The following UGGT2 variants were observed in gnomAD, a reference collection of about 807,000 sequenced individuals.
The protein encoded by UGGT2 is UDP-glucose glycoprotein glucosyltransferase 2, also known as UDP-glucose:glycoprotein glucosyltransferase 2.
Under a neutral mutation model 192.1 loss-of-function variants are expected in UGGT2, and 180 were observed. The ratio of observed to expected loss-of-function variants is 0.94; its 90% CI spans 0.83 to 1.06. The LOEUF is 1.06. UGGT2 is among the 50% of genes least tolerant of loss of function. UGGT2 has a pLI of 0.00. For missense variants in UGGT2, 1,849 were observed against 1,795.7 expected, an observed-to-expected ratio of 1.03 and a Z score of -0.54; for synonymous variants, 580 against 591.0, an observed-to-expected ratio of 0.98 and a Z score of 0.27.
At position 95,856,350 on chromosome 13, in the gene UGGT2, C is replaced by T; in HGVS notation, c.3826-10G>A. On this transcript the variant is annotated splice_polypyrimidine_tract_variant and intron_variant, in intron 33 of 38. Coordinates refer to ENST00000376747, the MANE Select transcript of UGGT2 (RefSeq NM_020121.4). The stretch of plus-strand genomic sequence containing the variant: ...TGTGAGGAATTACTTCCTAAAAACA[C>T]ACACACAAAATCAAACAATATGTTC... The T allele has an allele frequency of 6.3e-7, 1 of 1,595,994 alleles. No homozygotes were observed. Among genetic ancestry groups the T allele is most frequent in the Non-Finnish European group, 8.5e-7 (1 of 1,176,030 alleles).
At chr13:95,892,789 C>A (rs2047838238) in intron 24 of UGGT2, among the ~76,000 whole-genome samples, 1 of 152,080 alleles carries the variant, frequency 6.6e-6, no homozygotes, top group Non-Finnish European at 1.5e-5. Context: ...GTTTGTTTTC[C>A]TCTCATGAAC....
In UGGT2 at chr13:95,843,853, A is replaced by G. The variant is rs547299896; in HGVS notation, c.4285-6651T>C. On this transcript the variant is annotated intron_variant, in intron 36 of 38. Transcript: ENST00000376747. ...TCTATCTTTACACCAACACCAAACT[A>G]TTTTGACTACAGTAGCTATATATTA... Among the ~76,000 whole-genome samples the G allele has an allele frequency of 3.1e-3, 477 of 152,260 alleles. 3 individuals are homozygous for G. The highest frequency in any genetic ancestry group is 0.011 in the African/African-American group (455 of 41,554).
At chr13:95,868,202 C>T (rs905420776) in intron 29 of UGGT2, among the ~76,000 whole-genome samples, 19 of 152,164 alleles carry the variant, frequency 1.2e-4, no homozygotes, top group Admixed American at 3.9e-4. Flanking sequence ...CTAGCACTAT[C>T]ATGACTGACA....
chr13:96,005,528 G>A (rs990761571), intron 5 of UGGT2, among the ~76,000 whole-genome samples: 7 of 152,162 alleles, frequency 4.6e-5, no homozygotes, highest in Non-Finnish European at 8.8e-5. Flanking sequence ...TTAATCTTCA[G>A]AGGCAAGGGC....
intron 37 of UGGT2, among the ~76,000 whole-genome samples, chr13:95,836,634 C>T (rs1264037383): frequency 6.6e-6 from 1 of 152,108 alleles, no homozygotes; most frequent in Non-Finnish European, 1.5e-5. Flanking sequence ...CCAGTAAAAC[C>T]CCTGGACACT....
chr13:96,003,038 G>A (rs373793917), intron 5 of UGGT2, among the ~76,000 whole-genome samples: 5 of 152,252 alleles, frequency 3.3e-5, no homozygotes, highest in African/African-American at 1.2e-4. Flanking sequence ...CATGAATGAC[G>A]TGCACGTGAG....
chr13:95,889,285 A>G (rs1447750495), intron 25 of UGGT2, among the ~76,000 whole-genome samples: 2 of 152,172 alleles, frequency 1.3e-5, no homozygotes, highest in African/African-American at 4.8e-5. Flanking sequence ...AACCAATGCT[A>G]AAAGAACAAG....
chr13:95,870,856 AC>A (rs1394065032), intron 29 of UGGT2, among the ~76,000 whole-genome samples: 1 of 152,192 alleles, frequency 6.6e-6, no homozygotes, highest in Non-Finnish European at 1.5e-5. Flanking sequence ...ATGAGGCTCC[AC>A]CCTCATTGAG....
rs1244608216 is a variant in UGGT2, at chr13:95,900,899, C to T, written c.2542G>A (p.Val848Ile). 1.9e-6 allele frequency: 3 copies of T among 1,608,302 alleles called. No homozygotes were observed. In the Admixed American group the frequency reaches 5.1e-5, roughly 27 times the overall value. The change falls in exon 22 of 39, where the codon GTT (valine) becomes ATT (isoleucine). Residue 848 changes from valine (V) to isoleucine (I), a missense_variant. Transcript: ENST00000376747. ...KNAFEKKYNT[V>I]GVNIFRTHQL... ...TGAGTTCGAAAAATATTCACTCCAACAGTATTATATTTTTTCTCAAAAGCA... is the reference window on the plus strand; with the variant it reads ...TGAGTTCGAAAAATATTCACTCCAATAGTATTATATTTTTTCTCAAAAGCA...
At chr13:95,903,618 A>C (rs1336305147) in intron 20 of UGGT2, among the ~76,000 whole-genome samples, 1 of 147,550 alleles carries the variant, frequency 6.8e-6, no homozygotes, top group Non-Finnish European at 1.5e-5. Flanking sequence ...CCACTCAATA[A>C]TGTGAGATTT....
chr13:95,966,150 C>CT (rs1213129219), intron 12 of UGGT2, among the ~76,000 whole-genome samples: 1 of 152,166 alleles, frequency 6.6e-6, no homozygotes. Context: ...CGTTAAGTGT[C>CT]TATCAACAGA....
intron 10 of UGGT2, among the ~76,000 whole-genome samples, chr13:95,973,934 A>G (rs2140806097): frequency 6.6e-6 from 1 of 152,342 alleles, no homozygotes; most frequent in Non-Finnish European, 1.5e-5. Flanking sequence ...AGCTGTTATT[A>G]TCAGGGTAGG....
intron 36 of UGGT2, among the ~76,000 whole-genome samples, chr13:95,845,155 T>C (rs1352303228): frequency 6.7e-6 from 1 of 149,152 alleles, no homozygotes; most frequent in Admixed American, 6.7e-5. Flanking sequence ...GTGGTCACGA[T>C]TCATGATATA....
intron 38 of UGGT2, among the ~76,000 whole-genome samples, chr13:95,824,699 A>T (rs113284426): frequency 0.022 from 3,300 of 152,100 alleles, 119 homozygotes; most frequent in African/African-American, 0.076. Flanking sequence ...TTTTAAAAAA[A>T]TTATGTTGGT....
intron 6 of UGGT2, among the ~76,000 whole-genome samples, chr13:95,998,690 T>C (rs1328226629): frequency 6.6e-6 from 1 of 152,092 alleles, no homozygotes; most frequent in Non-Finnish European, 1.5e-5. Context: ...ATTTAGTTCA[T>C]AAAATACAGA....
chr13:95,877,929 G>C (rs2047388140), intron 27 of UGGT2, 73 bp from the exon 28 acceptor site: 1 of 1,426,094 alleles, frequency 7.0e-7, no homozygotes, highest in Middle Eastern at 1.9e-4. Context: ...ATAAATAAAT[G>C]TGATTATTTT....
Position 95,867,411 on chromosome 13 carries a change from A to C in UGGT2, c.3486T>G (p.Thr1162=), listed in dbSNP as rs766432687. Residue 1162 remains threonine, a synonymous_variant, in exon 30 of 39, where the codon ACT becomes ACG. Coordinates refer to ENST00000376747, the MANE Select transcript of UGGT2 (RefSeq NM_020121.4). ...DIYQIVGHEG[T]DSQADLEDII... is the part of the protein sequence containing the mutation. Reference sequence around the variant, plus strand: ...TATCTTCTAGGTCTGCTTGAGAGTCAGTTCCTTCATGCCTAAAAGTAGAAA... The same window carrying C: ...TATCTTCTAGGTCTGCTTGAGAGTCCGTTCCTTCATGCCTAAAAGTAGAAA... 1 of 1,605,500 alleles carries C rather than the reference A, an allele frequency of 6.2e-7. No individual in the cohort carries two copies. Among genetic ancestry groups the C allele is most frequent in the East Asian group, 2.2e-5 (1 of 44,490 alleles).
chr13:95,989,896 T>G, intron 8 of UGGT2, 77 bp downstream of exon 8: 1 of 870,028 alleles, frequency 1.1e-6, no homozygotes, highest in South Asian at 2.1e-5. Context: ...ATCTATATCA[T>G]GTGATATATA....
chr13:95,953,237 T>C (rs1197239591), intron 12 of UGGT2, among the ~76,000 whole-genome samples: 1 of 152,204 alleles, frequency 6.6e-6, no homozygotes, highest in African/African-American at 2.4e-5. Context: ...CCAGAAAACC[T>C]TGAAACTGTC....
Sources: gnomAD v4.1 joint callset for allele counts (sites outside exome capture counted in the v4.1 genomes callset) on GRCh38, gnomAD v4.1.1 for gene constraint, MANE v1.5 for transcripts, NCBI Gene and HGNC (gene_info 2026-07-23, HGNC 2026-07-21) for gene names.